The following TENM4 variants were observed in gnomAD, a reference collection of about 807,000 sequenced individuals.
TENM4 encodes the protein teneurin transmembrane protein 4.
A neutral mutation model predicts 243.3 loss-of-function variants in TENM4; 82 were observed. The observed-to-expected ratio is 0.34, with a 90% CI of 0.28 to 0.40. The LOEUF (loss-of-function observed/expected upper bound fraction) is 0.40. Ranked by LOEUF, TENM4 falls within the 10% of genes least tolerant of loss-of-function variation. The pLI, the probability that TENM4 is intolerant of heterozygous loss-of-function variation, is 1.00. For synonymous variants in TENM4, 1,412 were observed against 1,456.3 expected (o/e 0.97, Z 0.69); for missense variants, 3,138 against 3,673.3 (o/e 0.85, Z 3.77).
chr11:79,281,132 G>C (rs531455328), intron 2 of TENM4, among the ~76,000 whole-genome samples: 3 of 152,114 alleles, frequency 2.0e-5, no homozygotes, highest in African/African-American at 7.2e-5. Context: ...TCAGCCTTCC[G>C]GGAGCTTCCT....
intron 2 of TENM4, among the ~76,000 whole-genome samples, chr11:79,264,728 TG>T (rs1855855417): frequency 6.6e-6 from 1 of 152,210 alleles, no homozygotes; most frequent in Non-Finnish European, 1.5e-5. Context: ...AGAAAATACT[TG>T]GATCCCATTC....
chr11:78,805,277 T>TCCCCACCCACCACAACCC lies in TENM4; in HGVS notation c.2179+14_2179+15insGGGTTGTGGTGGGTGGGG. 7.1e-7 allele frequency: 1 copy of TCCCCACCCACCACAACCC among 1,402,550 alleles called. No homozygotes were observed. Among genetic ancestry groups the TCCCCACCCACCACAACCC allele is most frequent in the Non-Finnish European group, 9.7e-7 (1 of 1,033,116 alleles). 86.9% of individuals were successfully genotyped at this position (1,402,550 alleles called of 1,614,324 possible). A position where few individuals can be genotyped will look rare whatever the true frequency, so the allele number is the denominator to read the frequency against. ...CCCCTCCCTCTACCCATGCTTCTTC[T>TCCCCACCCACCACAACCC]CCCCCTGCATTTACCGATAGAACAG... On this transcript the variant is annotated intron_variant, in intron 15 of 33. Coordinates refer to ENST00000278550, the MANE Select transcript of TENM4 (RefSeq NM_001098816.3).
At chr11:79,148,972 C>A (rs142341681) in intron 3 of TENM4, among the ~76,000 whole-genome samples, 166 bp from the exon 4 acceptor site, 1 of 152,048 alleles carries the variant, frequency 6.6e-6, no homozygotes, top group Non-Finnish European at 1.5e-5. Flanking sequence ...AGTGTTTGAA[C>A]GCTCAGAGGA....
chr11:79,325,103 C>T (rs767614137), intron 1 of TENM4, among the ~76,000 whole-genome samples: 13 of 152,118 alleles, frequency 8.5e-5, no homozygotes, highest in East Asian at 7.7e-4. Context: ...AACGTTGGCA[C>T]GTGGAAGAGA....
chr11:79,129,291 G>A (rs939898821), intron 4 of TENM4, among the ~76,000 whole-genome samples: 13 of 152,288 alleles, frequency 8.5e-5, no homozygotes, highest in African/African-American at 1.2e-4. Flanking sequence ...CAGAGGTGGC[G>A]GGGTGGGTTG....
intron 6 of TENM4, among the ~76,000 whole-genome samples, chr11:78,953,655 T>G (rs911427415): frequency 6.6e-6 from 1 of 152,248 alleles, no homozygotes; most frequent in Non-Finnish European, 1.5e-5. Flanking sequence ...TTACATAGCA[T>G]TCACATTGTT....
At chr11:78,962,976 A>G (rs180691632) in intron 6 of TENM4, among the ~76,000 whole-genome samples, 2 of 152,328 alleles carry the variant, frequency 1.3e-5, no homozygotes, top group Non-Finnish European at 2.9e-5. Context: ...TTAAATTCTG[A>G]CATTCTCTGG....
At chr11:78,770,830 A>C (rs929902023) in intron 18 of TENM4, among the ~76,000 whole-genome samples, 162 bp downstream of exon 18, 2 of 152,158 alleles carry the variant, frequency 1.3e-5, no homozygotes, top group Non-Finnish European at 2.9e-5. Context: ...TGTGATATGC[A>C]CTCATCCCTA....
chr11:79,001,856 C>T (rs1183692851), intron 6 of TENM4, among the ~76,000 whole-genome samples: 4 of 152,172 alleles, frequency 2.6e-5, no homozygotes, highest in African/African-American at 9.7e-5. Flanking sequence ...GCAAACCATG[C>T]CTGACCATTG....
chr11:78,838,797 T>C (rs1024483689), intron 12 of TENM4, among the ~76,000 whole-genome samples: 1 of 152,180 alleles, frequency 6.6e-6, no homozygotes, highest in African/African-American at 2.4e-5. Context: ...CCTGTAGTTT[T>C]ATGGAGGGTC....
intron 4 of TENM4, among the ~76,000 whole-genome samples, chr11:79,124,891 A>ATG (rs1340627648): frequency 0.011 from 608 of 57,856 alleles, 6 homozygotes; most frequent in African/African-American, 0.036. Context: ...ATGTATATGT[A>ATG]TATGTGTGTG....
At chr11:79,363,371 T>TA (rs1037040720) in intron 1 of TENM4, among the ~76,000 whole-genome samples, 5 of 152,098 alleles carry the variant, frequency 3.3e-5, no homozygotes, top group Non-Finnish European at 7.3e-5. Flanking sequence ...AACCGGAATG[T>TA]AAAAAAATGT....
At chr11:79,094,090 G>T (rs1475941498) in intron 4 of TENM4, among the ~76,000 whole-genome samples, 13 of 152,182 alleles carry the variant, frequency 8.5e-5, no homozygotes, top group Non-Finnish European at 1.3e-4. Flanking sequence ...ATGGCGGAAG[G>T]TTCCACTGGA....
intron 1 of TENM4, among the ~76,000 whole-genome samples, chr11:79,378,714 T>C (rs761148875): frequency 6.6e-6 from 1 of 151,570 alleles, no homozygotes; most frequent in Admixed American, 6.6e-5. Flanking sequence ...CTGTAAAATA[T>C]GGATAATAGA....
chr11:79,141,968 G>C (rs1488324877), intron 4 of TENM4, among the ~76,000 whole-genome samples: 2 of 151,902 alleles, frequency 1.3e-5, no homozygotes, highest in African/African-American at 4.8e-5. Context: ...TAAAAAACTT[G>C]GTATAGAAAG....
intron 2 of TENM4, among the ~76,000 whole-genome samples, chr11:79,252,707 C>A (rs1240301923): frequency 6.6e-6 from 1 of 152,142 alleles, no homozygotes; most frequent in Admixed American, 6.5e-5. Context: ...GTGCATTTCC[C>A]TACCCACTAG....
At position 79,233,316 on chromosome 11, in the gene TENM4, G is replaced by A. The variant is rs532541507; in HGVS notation, c.-264-17407C>T. On this transcript the variant is annotated intron_variant, in intron 2 of 33. Coordinates refer to ENST00000278550, the MANE Select transcript of TENM4 (RefSeq NM_001098816.3). ...ATGTATTGGACAGATGGAAGGTTGG[G>A]TGGCTGGTTGGATGGTTAAAGTACA... Among the ~76,000 whole-genome samples, 13 of 152,340 alleles carry A rather than the reference G, an allele frequency of 8.5e-5. No homozygotes were observed. The East Asian group carries it at 2.5e-3, about 29-fold the overall frequency.
intron 23 of TENM4, among the ~76,000 whole-genome samples, chr11:78,723,287 T>C (rs534712854): frequency 1.3e-5 from 2 of 152,392 alleles, no homozygotes; most frequent in South Asian, 2.1e-4. Flanking sequence ...CCATATCTCA[T>C]GTACCCAGTC....
chr11:78,935,853 C>G (rs1856771608), intron 6 of TENM4, among the ~76,000 whole-genome samples: 1 of 152,162 alleles, frequency 6.6e-6, no homozygotes, highest in African/African-American at 2.4e-5. Flanking sequence ...GAGCTGGATT[C>G]TAGTTTCGGT....
Sources: allele counts gnomAD v4.1 joint callset (sites outside exome capture counted in the v4.1 genomes callset), GRCh38; gene constraint gnomAD v4.1.1; transcripts MANE v1.5; gene names NCBI Gene and HGNC (gene_info 2026-07-23, HGNC 2026-07-21).